The following CYP2C8 variants were observed in gnomAD, a reference collection of about 807,000 sequenced individuals.
CYP2C8 encodes cytochrome P450 family 2 subfamily C member 8, also known as cytochrome P450 2C8.
Under a neutral mutation model 41.3 loss-of-function variants are expected in CYP2C8, and 51 were observed. That is an observed-to-expected ratio of 1.24 (90% CI 0.99 to 1.56). The LOEUF (loss-of-function observed/expected upper bound fraction) is 1.56. Among genes scored for constraint, CYP2C8 ranks in the 40% most tolerant of loss-of-function variants. The probability of loss-of-function intolerance (pLI) is 0.00; values close to 1 mark genes in which losing one functional copy is unlikely to be tolerated. For missense variants in CYP2C8, 651 were observed against 579.9 expected (o/e 1.12, Z -1.26); for synonymous variants, 218 against 205.8 (o/e 1.06, Z -0.51).
intron 5 of CYP2C8, among the ~76,000 whole-genome samples, chr10:95,050,911 C>T (rs56028148): frequency 0.08 from 12,130 of 152,016 alleles, 608 homozygotes; most frequent in Middle Eastern, 0.16. Flanking sequence ...AACAAAAATA[C>T]CTAACTCTAG....
chr10:95,058,465 T>G lies in CYP2C8; in HGVS notation c.689A>C (p.His230Pro), dbSNP rs781035773. Residue 230 changes from histidine to proline, a missense_variant, in exon 5 of 9, where the codon CAC becomes CCC. Coordinates refer to ENST00000371270, the MANE Select transcript of CYP2C8 (RefSeq NM_000770.3). ...AGCAACATTTTTAAGCACTTTGTTG[T>G]GAGTTCCTGGGAAACAATCAATGAG... is the stretch of plus-strand genomic sequence containing the variant. ...PLLIDCFPGT[H>P]NKVLKNVALT... 12 of 1,613,158 alleles carry G rather than the reference T, an allele frequency of 7.4e-6. No individual in the cohort carries two copies. In the Admixed American group the frequency reaches 1.8e-4, roughly 25 times the overall value.
At chr10:95,065,208 C>T (rs2033535349) in intron 3 of CYP2C8, among the ~76,000 whole-genome samples, 1 of 152,172 alleles carries the variant, frequency 6.6e-6, no homozygotes, top group Admixed American at 6.5e-5. Context: ...TTTATTTAAA[C>T]TCTTTTAACC....
chr10:95,059,164 T>C (rs1478656385), intron 4 of CYP2C8, among the ~76,000 whole-genome samples: 1 of 152,220 alleles, frequency 6.6e-6, no homozygotes, highest in East Asian at 1.9e-4. Flanking sequence ...TACCCAGTAA[T>C]GGGATGGCTG....
chr10:95,053,880 T>C (rs1025393697), intron 5 of CYP2C8, among the ~76,000 whole-genome samples: 2 of 152,104 alleles, frequency 1.3e-5, no homozygotes, highest in Non-Finnish European at 2.9e-5. Context: ...CATGTATACC[T>C]ATGTAACAAA....
chr10:95,058,400 G>A lies in CYP2C8; in HGVS notation c.754C>T (p.Gln252Ter). 2 of 1,613,422 alleles carry A rather than the reference G, an allele frequency of 1.2e-6. No individual in the cohort carries two copies. The highest frequency in any genetic ancestry group is 2.2e-5 in the East Asian group (1 of 44,804). ...GGATTGTTAACATCCAGTGATGCTTGGTGTTCTTTTACTTTCTCCCTAATG... is the reference window on the plus strand; with the variant it reads ...GGATTGTTAACATCCAGTGATGCTTAGTGTTCTTTTACTTTCTCCCTAATG... ...SYIREKVKEH[Q>*]ASLDVNNPRD... is the part of the protein sequence containing the mutation. Residue 252 changes from glutamine to a stop codon, truncating the protein, a stop_gained, in exon 5 of 9, where the codon CAA becomes TAA. Transcript: ENST00000371270. LOFTEE classifies it high-confidence loss of function.
intron 4 of CYP2C8, among the ~76,000 whole-genome samples, chr10:95,063,306 A>T (rs1049803425): frequency 7.2e-5 from 11 of 152,180 alleles, no homozygotes; most frequent in Admixed American, 7.2e-4. Context: ...CTTTTCACAT[A>T]GTCCCATATT....
chr10:95,039,366 T>A, intron 7 of CYP2C8: 1 of 332,288 alleles, frequency 3.0e-6, no homozygotes, highest in Non-Finnish European at 5.7e-6. Context: ...ATTTTGATTA[T>A]GTAGATTATG....
chr10:95,058,605 A>G (rs11572101), intron 4 of CYP2C8, 94 bp from the exon 5 acceptor site: 224,590 of 1,137,012 alleles, frequency 0.2, 24,412 homozygotes, highest in East Asian at 0.42. Flanking sequence ...AAATATGAAT[A>G]AGACATCATG....
At chr10:95,056,457 G>A (rs529102214) in intron 5 of CYP2C8, among the ~76,000 whole-genome samples, 2 of 152,094 alleles carry the variant, frequency 1.3e-5, no homozygotes, top group South Asian at 2.1e-4. Flanking sequence ...AATGTTCATA[G>A]CAACATTATT....
At chr10:95,052,922 A>G (rs1447960685) in intron 5 of CYP2C8, among the ~76,000 whole-genome samples, 1 of 152,148 alleles carries the variant, frequency 6.6e-6, no homozygotes, top group East Asian at 1.9e-4. Flanking sequence ...GTTATTCAAC[A>G]TTGTACTGGA....
intron 3 of CYP2C8, among the ~76,000 whole-genome samples, chr10:95,065,797 G>T (rs1033840477): frequency 6.6e-6 from 1 of 152,064 alleles, no homozygotes; most frequent in Non-Finnish European, 1.5e-5. Context: ...TTGACCATAA[G>T]TTAGGCCAAA....
chr10:95,043,428 T>C (rs1208854365), intron 6 of CYP2C8, among the ~76,000 whole-genome samples: 2 of 152,136 alleles, frequency 1.3e-5, no homozygotes, highest in East Asian at 3.8e-4. Context: ...AAATAATATA[T>C]GGGGTATAAT....
At chr10:95,066,885 G>A (rs1403699902) in intron 3 of CYP2C8, among the ~76,000 whole-genome samples, 2 of 152,082 alleles carry the variant, frequency 1.3e-5, no homozygotes, top group East Asian at 3.8e-4. Context: ...ATGCTATGGG[G>A]GAAACCTTCT....
At position 95,042,895 on chromosome 10, in the gene CYP2C8, G is replaced by T; in HGVS notation, c.1144C>A (p.Pro382Thr). 6.2e-7 allele frequency: 1 copy of T among 1,612,992 alleles called. No homozygotes were observed. Among genetic ancestry groups the T allele is most frequent in the Non-Finnish European group, 8.5e-7 (1 of 1,178,946 alleles). Residue 382 changes from proline (P) to threonine (T), a missense_variant, in exon 7 of 9, where the codon CCC becomes ACC. By Grantham distance (38) the Pro-to-Thr change is conservative. Transcript: ENST00000371270. ...TDTKFRNYLIPKGTTIMALLT... is the reference protein window; with the variant it reads ...TDTKFRNYLITKGTTIMALLT... ...TGTAAGAGAAACAAGCTTACCTTGG[G>T]GATGAGGTAGTTTCTGAACTTAGTA...
At chr10:95,047,263 AT>A (rs2033127928) in intron 5 of CYP2C8, among the ~76,000 whole-genome samples, 1 of 152,238 alleles carries the variant, frequency 6.6e-6, no homozygotes, top group South Asian at 2.1e-4. Context: ...CTTTATAGAA[AT>A]GCAAGAACAG....
chr10:95,066,256 A>G (rs1265963231), intron 3 of CYP2C8, among the ~76,000 whole-genome samples: 5 of 151,494 alleles, frequency 3.3e-5, no homozygotes, highest in African/African-American at 1.2e-4. Flanking sequence ...GAATTTAAAA[A>G]GGTAATTTTA....
In CYP2C8 at chr10:95,047,087, C is replaced by A. The variant is rs1201336046; in HGVS notation, c.820-1136G>T. On this transcript the variant is annotated intron_variant, in intron 5 of 8. Coordinates refer to ENST00000371270, the MANE Select transcript of CYP2C8 (RefSeq NM_000770.3). ...ACTGTTTCCCCAACTTGCTTCTCCT[C>A]TTGCCATGTGACGTGCCTGTTCCTG... 2.6e-5 allele frequency among the ~76,000 whole-genome samples: 4 copies of A among 152,260 alleles called. No homozygotes were observed. The East Asian group carries it at 7.7e-4, about 29-fold the overall frequency.
intron 7 of CYP2C8, among the ~76,000 whole-genome samples, chr10:95,041,953 C>A (rs1056039573): frequency 6.6e-6 from 1 of 152,180 alleles, no homozygotes; most frequent in South Asian, 2.1e-4. Context: ...TATGAAAATA[C>A]CAACTATCTG....
intron 5 of CYP2C8, among the ~76,000 whole-genome samples, chr10:95,051,442 T>C (rs1301388143): frequency 2.0e-5 from 3 of 152,088 alleles, no homozygotes; most frequent in Non-Finnish European, 4.4e-5. Flanking sequence ...AGAAAATTTA[T>C]TTAAGGGAAA....
Sources: allele counts gnomAD v4.1 joint callset (sites outside exome capture counted in the v4.1 genomes callset), GRCh38; gene constraint gnomAD v4.1.1; transcripts MANE v1.5; gene names NCBI Gene and HGNC (gene_info 2026-07-23, HGNC 2026-07-21).